GALNT13: variants seen among roughly 807,000 people sequenced by gnomAD.
GALNT13 encodes polypeptide N-acetylgalactosaminyltransferase 13, also known as UDP-GalNAc:polypeptide N-acetylgalactosaminyltransferase 13.
A neutral mutation model predicts 64.2 loss-of-function variants in GALNT13; 28 were observed. The ratio of observed to expected loss-of-function variants is 0.44; its 90% CI spans 0.32 to 0.60. The LOEUF is 0.60. GALNT13 is among the 20% of genes least tolerant of loss of function. The pLI is 0.05. For missense variants in GALNT13, 577 were observed against 669.8 expected (o/e 0.86, Z 1.53); for synonymous variants, 214 against 224.6 (o/e 0.95, Z 0.42).
the GALNT13 span, among the ~76,000 whole-genome samples, chr2:153,854,544 G>T: frequency 1.3e-5 from 2 of 152,030 alleles, no homozygotes; most frequent in African/African-American, 4.8e-5. Context: ...TCGCACCATT[G>T]CAGTCCAGCT....
chr2:154,101,617 A>G (rs1383315674), intron 3 of GALNT13, among the ~76,000 whole-genome samples: 1 of 152,034 alleles, frequency 6.6e-6, no homozygotes, highest in Non-Finnish European at 1.5e-5. Flanking sequence ...CAATTTCATT[A>G]ATCTTAGTAT....
At chr2:153,969,748 A>G (rs1693617395) in intron 3 of GALNT13, among the ~76,000 whole-genome samples, 1 of 152,156 alleles carries the variant, frequency 6.6e-6, no homozygotes, top group Admixed American at 6.5e-5. Context: ...CTAGTTCCTC[A>G]TTCATAACTA....
chr2:153,630,801 ATATATATTTTTTTTTT>A, the GALNT13 span, among the ~76,000 whole-genome samples: 1 of 17,246 alleles, frequency 5.8e-5, no homozygotes, highest in South Asian at 3.6e-3. Context: ...ATATATATAT[ATATATATTTTTTTTTT>A]TTTTTTTATT....
the GALNT13 span, among the ~76,000 whole-genome samples, chr2:153,654,227 G>A: frequency 1.4e-4 from 22 of 152,180 alleles, no homozygotes; most frequent in African/African-American, 5.1e-4. Flanking sequence ...AATAATTGGT[G>A]TGAAAAATAT....
chr2:153,182,622 A>T, the GALNT13 span, among the ~76,000 whole-genome samples: 4 of 152,114 alleles, frequency 2.6e-5, no homozygotes, highest in African/African-American at 9.7e-5. Context: ...CCCCTGACTG[A>T]CAGGTCCCAG....
chr2:153,333,575 T>A, the GALNT13 span, among the ~76,000 whole-genome samples: 1 of 152,152 alleles, frequency 6.6e-6, no homozygotes, highest in Non-Finnish European at 1.5e-5. Context: ...TCTACCATCT[T>A]GAAAAAAAAC....
At chr2:154,186,166 A>G (rs2348788) in intron 4 of GALNT13, among the ~76,000 whole-genome samples, 10,072 of 152,074 alleles carry the variant, frequency 0.066, 393 homozygotes, top group African/African-American at 0.099. Context: ...ATTTTTAAAA[A>G]TCTACTACTG....
At chr2:153,515,702 C>A in the GALNT13 span, among the ~76,000 whole-genome samples, 1 of 151,988 alleles carries the variant, frequency 6.6e-6, no homozygotes, top group East Asian at 1.9e-4. Flanking sequence ...GTGCAGTTTA[C>A]GGGAAGTAGG....
chr2:153,845,247 A>G, the GALNT13 span, among the ~76,000 whole-genome samples: 1 of 152,174 alleles, frequency 6.6e-6, no homozygotes, highest in Non-Finnish European at 1.5e-5. Context: ...ATTTATAATG[A>G]ATAGAGGATT....
the GALNT13 span, among the ~76,000 whole-genome samples, chr2:153,572,249 G>A: frequency 0.59 from 88,544 of 151,198 alleles, 26,405 homozygotes; most frequent in Non-Finnish European, 0.65. Flanking sequence ...CATAGTAACC[G>A]CTAATGATCC....
the GALNT13 span, among the ~76,000 whole-genome samples, chr2:153,791,289 T>C: frequency 3.3e-5 from 5 of 152,132 alleles, no homozygotes; most frequent in African/African-American, 1.2e-4. Context: ...ACATCCCTGA[T>C]CATTAGAGAA....
Position 154,002,391 on chromosome 2 carries a change from T to C in GALNT13, c.142+57752T>C, listed in dbSNP as rs538676831. On this transcript the variant is annotated intron_variant, in intron 3 of 12. Coordinates refer to ENST00000392825, the MANE Select transcript of GALNT13 (RefSeq NM_052917.4). ...CCTCTTCTCATTGGATAAATTTGTG[T>C]GTTCTGTCTTCAAGCTCACTGATTC... Among the ~76,000 whole-genome samples the C allele has an allele frequency of 9.9e-5, 15 of 152,082 alleles. No individual in the cohort carries two copies. The South Asian group carries it at 3.1e-3, about 32-fold the overall frequency.
chr2:153,900,807 G>A (rs1444679), intron 1 of GALNT13, 129 bp from the exon 2 acceptor site: 117,455 of 152,048 alleles, frequency 0.77, 45,775 homozygotes, highest in East Asian at 0.96. Context: ...GTAGATATAT[G>A]GTCTACATTT....
At chr2:154,439,701 G>A (rs1701184853) in intron 12 of GALNT13, among the ~76,000 whole-genome samples, 1 of 152,068 alleles carries the variant, frequency 6.6e-6, no homozygotes, top group African/African-American at 2.4e-5. Context: ...TTTAATATTT[G>A]CATGAGTCTG....
At chr2:153,678,347 G>A in the GALNT13 span, among the ~76,000 whole-genome samples, 32 of 152,064 alleles carry the variant, frequency 2.1e-4, no homozygotes, top group South Asian at 8.3e-4. Context: ...CTATGTAGCC[G>A]TAAAAAAGAA....
chr2:153,695,038 A>G, the GALNT13 span, among the ~76,000 whole-genome samples: 414 of 152,320 alleles, frequency 2.7e-3, 4 homozygotes, highest in South Asian at 0.014. Context: ...TGAAGTCCAA[A>G]GAAAACCAGG....
At chr2:153,927,788 A>G (rs1159762927) in intron 2 of GALNT13, among the ~76,000 whole-genome samples, 1 of 152,086 alleles carries the variant, frequency 6.6e-6, no homozygotes, top group Admixed American at 6.6e-5. Context: ...CCGAAGCTCC[A>G]AGTCAAATTA....
the GALNT13 span, among the ~76,000 whole-genome samples, chr2:153,859,485 C>T: frequency 2.0e-5 from 3 of 152,052 alleles, no homozygotes; most frequent in African/African-American, 7.2e-5. Context: ...TACTTCATAC[C>T]TTTGGTGCTG....
chr2:153,729,510 C>G, the GALNT13 span, among the ~76,000 whole-genome samples: 2,097 of 152,102 alleles, frequency 0.014, 53 homozygotes, highest in African/African-American at 0.048. Flanking sequence ...TTAATAAAAG[C>G]TTTCTACTGT....
Sources: gnomAD v4.1 joint callset for allele counts (sites outside exome capture counted in the v4.1 genomes callset) on GRCh38, gnomAD v4.1.1 for gene constraint, MANE v1.5 for transcripts, NCBI Gene and HGNC (gene_info 2026-07-23, HGNC 2026-07-21) for gene names.